CHODL: variants seen among roughly 807,000 people sequenced by gnomAD.
The protein encoded by CHODL is chondrolectin.
A neutral mutation model predicts 34.5 loss-of-function variants in CHODL; 29 were observed. The ratio of observed to expected loss-of-function variants is 0.84; its 90% confidence interval spans 0.63 to 1.15. The LOEUF is 1.15. Among genes scored for constraint, CHODL ranks in the 50% most tolerant of loss-of-function variants. The pLI, the probability that CHODL is intolerant of heterozygous loss-of-function variation, is 0.00. For missense variants in CHODL, 332 were observed against 332.5 expected, an observed-to-expected ratio of 1.00 and a Z score of 0.01; for synonymous variants, 125 against 116.1, an observed-to-expected ratio of 1.08 and a Z score of -0.49.
intron 1 of CHODL, among the ~76,000 whole-genome samples, chr21:18,019,116 G>C (rs1830542964): frequency 1.3e-5 from 2 of 152,196 alleles, no homozygotes; most frequent in Admixed American, 1.3e-4. Flanking sequence ...TATAATCTGT[G>C]CTCAAGTTCT....
In CHODL at chr21:18,193,706, A is replaced by AAAT. The variant is rs1568931356; in HGVS notation, c.-44-62801_-44-62800insTAA. On this transcript the variant is annotated intron_variant, in intron 2 of 6. Transcript: ENST00000400127. ...GCAAGACTCTGTCTCAGAAAAAAAA[A>AAAT]AAAATAAAATAAATAAATAAATAAA... Among the ~76,000 whole-genome samples the AAAT allele has an allele frequency of 3.9e-3, 554 of 140,874 alleles. 3 individuals carry two copies. The highest frequency in any genetic ancestry group is 0.015 in the African/African-American group (529 of 35,952). The allele number at this position is 140,874 out of a possible 152,430, so 92.4% of individuals were successfully genotyped here. A position where few individuals can be genotyped will look rare whatever the true frequency, so the allele number is the denominator to read the frequency against.
intron 2 of CHODL, among the ~76,000 whole-genome samples, chr21:18,204,424 A>T (rs1021525715): frequency 1.3e-5 from 2 of 152,114 alleles, no homozygotes; most frequent in African/African-American, 2.4e-5. Context: ...ATTGAAATGG[A>T]ACAGAAACCC....
chr21:18,190,900 A>G (rs1441715912), intron 2 of CHODL, among the ~76,000 whole-genome samples: 1 of 152,186 alleles, frequency 6.6e-6, no homozygotes, highest in African/African-American at 2.4e-5. Flanking sequence ...ATATTCGTGA[A>G]GTCCAAGATA....
intron 2 of CHODL, among the ~76,000 whole-genome samples, chr21:18,081,027 A>T (rs1025386376): frequency 5.9e-5 from 9 of 152,138 alleles, no homozygotes; most frequent in African/African-American, 2.2e-4. Flanking sequence ...AGTGTTTTAT[A>T]GTTCTCCTTA....
At chr21:18,139,016 A>G (rs1334732209) in intron 2 of CHODL, among the ~76,000 whole-genome samples, 1 of 152,066 alleles carries the variant, frequency 6.6e-6, no homozygotes. Flanking sequence ...ATTTTCTTCT[A>G]TGTCATTTCA....
intron 2 of CHODL, among the ~76,000 whole-genome samples, chr21:18,195,641 T>C (rs1224733532): frequency 6.6e-6 from 1 of 152,168 alleles, no homozygotes; most frequent in East Asian, 1.9e-4. Flanking sequence ...AGAATTTCTG[T>C]ATTATATCTG....
Position 17,956,792 on chromosome 21 carries a change from CAA to C in CHODL, c.-145+39394_-145+39395del, listed in dbSNP as rs1291820634. On this transcript the variant is annotated intron_variant, in intron 1 of 6. Coordinates refer to the CHODL transcript ENST00000400127. ...CTGTGTCCTTATGACCTTAACCCCT[CAA>C]AGGAAAGAAGAGATAAACCCAAGAA... Among the ~76,000 whole-genome samples, 7 of 120,468 alleles carry C rather than the reference CAA, an allele frequency of 5.8e-5. 2 individuals are homozygous for C. Among genetic ancestry groups the C allele is most frequent in the African/African-American group, 1.9e-4 (7 of 37,354 alleles). 79.0% of individuals were successfully genotyped at this position (120,468 alleles called of 152,430 possible).
intron 2 of CHODL, among the ~76,000 whole-genome samples, chr21:18,057,835 A>T (rs947366659): frequency 2.0e-5 from 3 of 152,082 alleles, no homozygotes; most frequent in South Asian, 4.1e-4. Flanking sequence ...TTTAAAAAAA[A>T]CTTAAAAATT....
At chr21:17,926,375 G>GTTTTTTTTTTTTTTTTTTTTTTTTTTT (rs767844049) in intron 1 of CHODL, among the ~76,000 whole-genome samples, 1 of 60,540 alleles carries the variant, frequency 1.7e-5, no homozygotes. Context: ...AAATAAGGTG[G>GTTTTTTTTTTTTTTTTTTTTTTTTTTT]GTTTTTTTTT....
chr21:18,153,216 T>G (rs1285971570), intron 2 of CHODL, among the ~76,000 whole-genome samples: 2 of 152,156 alleles, frequency 1.3e-5, no homozygotes, highest in African/African-American at 4.8e-5. Flanking sequence ...AAAATCAAGG[T>G]GTCAGCAGAG....
intron 2 of CHODL, among the ~76,000 whole-genome samples, chr21:18,219,945 T>G (rs2073866538): frequency 6.6e-6 from 1 of 152,168 alleles, no homozygotes; most frequent in South Asian, 2.1e-4. Flanking sequence ...TGTAATCCCA[T>G]TTGTCTATTT....
At chr21:18,111,605 T>C (rs541471066) in intron 2 of CHODL, among the ~76,000 whole-genome samples, 2 of 152,290 alleles carry the variant, frequency 1.3e-5, no homozygotes, top group East Asian at 3.9e-4. Flanking sequence ...GCTCAGACAC[T>C]TTAATCACAA....
chr21:18,230,074 T>G (rs1439946791), intron 2 of CHODL, among the ~76,000 whole-genome samples: 2 of 152,100 alleles, frequency 1.3e-5, no homozygotes, highest in African/African-American at 4.8e-5. Context: ...AATGATTAAG[T>G]AGGTTGTAGT....
rs991111546 is a variant in CHODL, at chr21:18,040,298, T to C, written c.-45+12327T>C. 6.8e-4 allele frequency among the ~76,000 whole-genome samples: 103 copies of C among 151,864 alleles called. 1 individual carries two copies. The highest frequency in any genetic ancestry group is 6.8e-3 in the Admixed American group (103 of 15,218). Reference sequence around the variant, plus strand: ...ATCCACAGCTCTTATCCCTTCACTCTGTATTATCTTTACAAAAGAGAAGGA... The same window carrying C: ...ATCCACAGCTCTTATCCCTTCACTCCGTATTATCTTTACAAAAGAGAAGGA... On this transcript the variant is annotated intron_variant, in intron 2 of 6. Transcript: ENST00000400127.
chr21:18,130,764 G>A (rs77923858), intron 2 of CHODL, among the ~76,000 whole-genome samples: 4,723 of 152,150 alleles, frequency 0.031, 153 homozygotes, highest in East Asian at 0.13. Flanking sequence ...TCCATTATTC[G>A]AAATCGATAG....
At chr21:18,103,073 A>G (rs1386789305) in intron 2 of CHODL, among the ~76,000 whole-genome samples, 1 of 152,206 alleles carries the variant, frequency 6.6e-6, no homozygotes, top group Non-Finnish European at 1.5e-5. Context: ...AATGTTAAGA[A>G]TATGCATTTT....
chr21:18,044,691 T>C (rs1283454022), intron 2 of CHODL, among the ~76,000 whole-genome samples: 1 of 151,986 alleles, frequency 6.6e-6, no homozygotes, highest in African/African-American at 2.4e-5. Context: ...GTTGATTATA[T>C]ACTCTTTTAT....
At chr21:18,070,379 T>G (rs1307537544) in intron 2 of CHODL, among the ~76,000 whole-genome samples, 1 of 152,036 alleles carries the variant, frequency 6.6e-6, no homozygotes, top group East Asian at 1.9e-4. Context: ...AGATCCATGT[T>G]TCAAAAAGAG....
In CHODL at chr21:18,053,322, A is replaced by G. The variant is rs560461248; in HGVS notation, c.-45+25351A>G. ...TTACATCATTGTAATTGGCATTGCT[A>G]GCTTAAAGCACTATTTATTGAAATG... On this transcript the variant is annotated intron_variant, in intron 2 of 6. Coordinates refer to the CHODL transcript ENST00000400127. Among the ~76,000 whole-genome samples the G allele has an allele frequency of 2.6e-5, 4 of 152,088 alleles. No homozygotes were observed. The East Asian group carries it at 7.7e-4, about 29-fold the overall frequency.
Sources: allele counts gnomAD v4.1 joint callset (sites outside exome capture counted in the v4.1 genomes callset), GRCh38; gene constraint gnomAD v4.1.1; transcripts MANE v1.5; gene names NCBI Gene and HGNC (gene_info 2026-07-23, HGNC 2026-07-21).